MAN2A1: variants seen among roughly 807,000 people sequenced by gnomAD.
MAN2A1 encodes the protein mannosidase alpha class 2A member 1.
In MAN2A1, 76 loss-of-function variants were observed where a neutral mutation model predicts 142.6. The observed-to-expected ratio is 0.53, with a 90% CI of 0.44 to 0.65. MAN2A1 has a LOEUF of 0.65. Ranked by LOEUF, MAN2A1 falls within the 30% of genes least tolerant of loss-of-function variation. The pLI, the probability that MAN2A1 is intolerant of heterozygous loss-of-function variation, is 0.00. For missense variants in MAN2A1, 1,311 were observed against 1,365.1 expected (o/e 0.96, Z 0.62); for synonymous variants, 559 against 473.2 (o/e 1.18, Z -2.35).
chr5:109,833,656 G>A (rs975467266), intron 16 of MAN2A1, among the ~76,000 whole-genome samples: 2 of 150,184 alleles, frequency 1.3e-5, no homozygotes, highest in African/African-American at 4.9e-5. Context: ...AGAGGGAGAC[G>A]GTGGAGAGAG....
intron 15 of MAN2A1, 50 bp downstream of exon 15, chr5:109,820,392 G>C: frequency 6.6e-7 from 1 of 1,523,930 alleles, no homozygotes; most frequent in Non-Finnish European, 8.9e-7. Flanking sequence ...TATTGAAAGA[G>C]TATTGAGGAA....
At chr5:109,750,454 C>G (rs992936622) in intron 4 of MAN2A1, among the ~76,000 whole-genome samples, 2 of 152,056 alleles carry the variant, frequency 1.3e-5, no homozygotes, top group African/African-American at 2.4e-5. Flanking sequence ...GGAGTACTCA[C>G]TAACCTGATT....
intron 12 of MAN2A1, among the ~76,000 whole-genome samples, chr5:109,790,108 T>A (rs1016856110): frequency 1.8e-4 from 28 of 151,910 alleles, no homozygotes; most frequent in Non-Finnish European, 2.9e-4. Flanking sequence ...TATTGGTATT[T>A]CTTTAAACAG....
chr5:109,733,683 G>A (rs968787975), intron 4 of MAN2A1, among the ~76,000 whole-genome samples: 77 of 152,126 alleles, frequency 5.1e-4, no homozygotes, highest in Non-Finnish European at 9.9e-4. Flanking sequence ...AGCGTATATT[G>A]AACCAGCCTT....
intron 4 of MAN2A1, among the ~76,000 whole-genome samples, chr5:109,745,245 A>T (rs1752369393): frequency 6.6e-6 from 1 of 152,076 alleles, no homozygotes; most frequent in African/African-American, 2.4e-5. Flanking sequence ...GTTATATCTC[A>T]ATTAAAATAT....
intron 7 of MAN2A1, among the ~76,000 whole-genome samples, chr5:109,773,207 G>A (rs1260080326): frequency 4.6e-5 from 7 of 152,134 alleles, no homozygotes; most frequent in South Asian, 2.1e-4. Context: ...CCTGCCAGGC[G>A]TTACAGGCTG....
chr5:109,691,639 A>G (rs1750676203), intron 1 of MAN2A1, among the ~76,000 whole-genome samples: 1 of 152,236 alleles, frequency 6.6e-6, no homozygotes, highest in Admixed American at 6.5e-5. Flanking sequence ...AGATTAAAGT[A>G]AAAACTTTAC....
intron 16 of MAN2A1, among the ~76,000 whole-genome samples, chr5:109,830,721 T>A (rs1484833226): frequency 1.3e-5 from 2 of 152,222 alleles, no homozygotes; most frequent in African/African-American, 4.8e-5. Context: ...AATTAAAACA[T>A]TTTTGGAATA....
rs79123206 is a variant in MAN2A1 at position 109,836,133 on chromosome 5, G to A, written c.2567-6195G>A. On this transcript the variant is annotated intron_variant, in intron 16 of 21. Coordinates refer to ENST00000261483, the MANE Select transcript of MAN2A1 (RefSeq NM_002372.4). ...TATTGTTATTATTATTTTTGCGATG[G>A]AGTCCCACTCTGTTGCCCCAGGCTG... Among the ~76,000 whole-genome samples, 177 of 151,494 alleles carry A rather than the reference G, an allele frequency of 1.2e-3. 3 individuals carry two copies. The East Asian group carries it at 0.032, about 28-fold the overall frequency.
In MAN2A1 at chr5:109,690,367, C is replaced by A; in HGVS notation, c.-51C>A. On this transcript the variant is annotated 5_prime_UTR_variant, in exon 1 of 22. In the 5' UTR this introduces an upstream ATG that the reference lacks. Transcript: ENST00000261483. Reference sequence around the variant, plus strand: ...GCTGCTTCCTAGAGTCCACAGTGCGCTGTCTCCTTTGGCTGAGGAGAGTGT... The same window carrying A: ...GCTGCTTCCTAGAGTCCACAGTGCGATGTCTCCTTTGGCTGAGGAGAGTGT... 1 of 1,608,092 alleles carries A rather than the reference C, an allele frequency of 6.2e-7. No individual in the cohort carries two copies. The highest frequency in any genetic ancestry group is 8.5e-7 in the Non-Finnish European group (1 of 1,174,636).
intron 1 of MAN2A1, among the ~76,000 whole-genome samples, chr5:109,702,952 A>G (rs770351094): frequency 3.9e-5 from 6 of 152,220 alleles, no homozygotes; most frequent in Non-Finnish European, 7.3e-5. Flanking sequence ...TTGGAAATTC[A>G]GAATTTATAA....
rs565283484 is a variant in MAN2A1 at position 109,735,649 on chromosome 5, G to C, written c.707+6136G>C. 5.1e-4 allele frequency among the ~76,000 whole-genome samples: 77 copies of C among 152,166 alleles called. 1 individual carries two copies. Among genetic ancestry groups the C allele is most frequent in the African/African-American group, 1.8e-3 (75 of 41,528 alleles). ...TTGCTCACACTGGGAGCTGTAGACC[G>C]GAGCTGTTCCTATTTGGCCATCTTG... On this transcript the variant is annotated intron_variant, in intron 4 of 21. Coordinates refer to ENST00000261483, the MANE Select transcript of MAN2A1 (RefSeq NM_002372.4).
In MAN2A1 at chr5:109,868,500, ATTTACCTCTT is replaced by A. The variant is rs1755936733; in HGVS notation, c.*1503_*1512del. 1 of 152,174 alleles carries A rather than the reference ATTTACCTCTT, an allele frequency of 6.6e-6. No individual in the cohort carries two copies. The allele number at this position is 152,174 out of a possible 1,614,324, so 9.4% of individuals were successfully genotyped here. A position where few individuals can be genotyped will look rare whatever the true frequency, so the allele number is the denominator to read the frequency against. On this transcript the variant is annotated 3_prime_UTR_variant, in exon 22 of 22. Transcript: ENST00000261483. ...TCATATTCTGTGGCTTTCAACCTCC[ATTTACCTCTT>A]GTCATTCCAACATCTTTATAGAGAA...
chr5:109,781,664 G>A (rs1384807370), intron 9 of MAN2A1, 66 bp downstream of exon 9: 1 of 1,103,952 alleles, frequency 9.1e-7, no homozygotes, highest in East Asian at 2.5e-5. Context: ...TTTTTGTAGA[G>A]TTTTACGTAA....
At position 109,789,036 on chromosome 5, in the gene MAN2A1, C is replaced by A. The variant is rs1427459282; in HGVS notation, c.1863C>A (p.Thr621=). The A allele has an allele frequency of 2.6e-6, 4 of 1,539,532 alleles. No homozygotes were observed. In the East Asian group the frequency reaches 9.1e-5, roughly 35 times the overall value. The part of the protein sequence containing the change: ...KLTYDSYSPD[T]FLEMDLKQKS... ...CATACGACTCTTACTCTCCTGATACCTTCCTGGAGATGGTTAGTAATTTCA... is the reference window on the plus strand; with the variant it reads ...CATACGACTCTTACTCTCCTGATACATTCCTGGAGATGGTTAGTAATTTCA... Residue 621 remains threonine, a synonymous_variant, in exon 11 of 22, where the codon ACC becomes ACA. Coordinates refer to ENST00000261483, the MANE Select transcript of MAN2A1 (RefSeq NM_002372.4).
chr5:109,865,059 G>A lies in MAN2A1; in HGVS notation c.3195G>A (p.Glu1065=). The A allele has an allele frequency of 6.2e-7, 1 of 1,613,962 alleles. No homozygotes were observed. The highest frequency in any genetic ancestry group is 8.5e-7 in the Non-Finnish European group (1 of 1,179,890). ...QSKVGNGHSN[E]AALILHRKGF... is the part of the protein sequence containing the mutation. ...AGGTGGGCAATGGGCACTCCAATGA[G>A]GCAGCCTTGATCCTCCACAGAAAAG... The change falls in exon 21 of 22, where the codon GAG becomes GAA. Residue 1065 remains glutamate, a synonymous_variant. Transcript: ENST00000261483.
At chr5:109,755,584 T>C in intron 5 of MAN2A1, 128 bp downstream of exon 5, 1 of 699,256 alleles carries the variant, frequency 1.4e-6, no homozygotes, top group Non-Finnish European at 2.3e-6. Context: ...TAATTTATTC[T>C]TCATTAATTT....
At chr5:109,843,847 G>A (rs1406772753) in intron 17 of MAN2A1, among the ~76,000 whole-genome samples, 2 of 152,072 alleles carry the variant, frequency 1.3e-5, no homozygotes, top group African/African-American at 4.8e-5. Flanking sequence ...AAAACCATGA[G>A]CATGTTTTTA....
intron 20 of MAN2A1, among the ~76,000 whole-genome samples, chr5:109,860,152 G>A (rs553704705): frequency 3.3e-5 from 5 of 151,946 alleles, no homozygotes; most frequent in African/African-American, 1.2e-4. Context: ...AGAATTGATT[G>A]GTGCTTTATT....
Sources: allele counts gnomAD v4.1 joint callset (sites outside exome capture counted in the v4.1 genomes callset), GRCh38; gene constraint gnomAD v4.1.1; transcripts MANE v1.5; gene names NCBI Gene and HGNC (gene_info 2026-07-23, HGNC 2026-07-21).